The following LRRC27 variants were observed in gnomAD, a reference collection of about 807,000 sequenced individuals.
LRRC27 encodes leucine rich repeat containing 27.
In LRRC27, 57 loss-of-function variants were observed where a neutral mutation model predicts 55.0. That is an observed-to-expected ratio of 1.04 (90% CI 0.84 to 1.29). The LOEUF is 1.29. LRRC27 is among the 50% of genes most tolerant of loss of function. The pLI is 0.00. For synonymous variants in LRRC27, 278 were observed against 251.9 expected, an observed-to-expected ratio of 1.10 and a Z score of -0.98; for missense variants, 721 against 651.5, an observed-to-expected ratio of 1.11 and a Z score of -1.16.
At chr10:132,331,673 T>G, upstream of LRRC27, 1 of 1,612,750 alleles carries the variant, frequency 6.2e-7, no homozygotes. Flanking sequence ...TCTTTTCTGC[T>G]CGGCTGTCCT....
At chr10:132,363,077 T>C (rs1203282351) in intron 9 of LRRC27, among the ~76,000 whole-genome samples, 2 of 81,958 alleles carry the variant, frequency 2.4e-5, no homozygotes, top group Middle Eastern at 9.1e-3. Flanking sequence ...ACCAGCTCGG[T>C]GGTCCAGGGC....
chr10:132,333,399 G>A (rs1459332870), intron 1 of LRRC27, 78 bp from the exon 2 acceptor site: 2 of 563,044 alleles, frequency 3.6e-6, no homozygotes, highest in East Asian at 6.6e-5. Context: ...TTACATTACA[G>A]TAGATCTGCC....
intron 10 of LRRC27, among the ~76,000 whole-genome samples, chr10:132,368,567 G>A (rs906503707): frequency 7.9e-5 from 12 of 152,194 alleles, no homozygotes; most frequent in African/African-American, 1.7e-4. Context: ...TGGAGAAAGC[G>A]TAGTCTTCAA....
chr10:132,355,980 A>AC, intron 8 of LRRC27, 94 bp downstream of exon 8: 1 of 867,868 alleles, frequency 1.2e-6, no homozygotes, highest in East Asian at 2.9e-5. Context: ...ATGAGCCGAG[A>AC]CCTGGGGGTG....
chr10:132,331,644 G>T (rs772081131), upstream of LRRC27: 1 of 1,612,888 alleles, frequency 6.2e-7, no homozygotes, highest in South Asian at 1.1e-5. Flanking sequence ...CGCTCCAAAG[G>T]TGGTGCCTCA....
At chr10:132,364,090 A>G (rs1367741915) in intron 9 of LRRC27, among the ~76,000 whole-genome samples, 1 of 152,026 alleles carries the variant, frequency 6.6e-6, no homozygotes, top group Non-Finnish European at 1.5e-5. Context: ...TGGGCACAGT[A>G]AAAGCTGGAG....
chr10:132,331,394 ATCT>A (rs2066728213), upstream of LRRC27: 1 of 1,566,812 alleles, frequency 6.4e-7, no homozygotes, highest in Non-Finnish European at 8.7e-7. Context: ...GTGTCATTTC[ATCT>A]TCTTCCAAAT....
At position 132,348,296 on chromosome 10, in the gene LRRC27, C is replaced by G. The variant is rs762627704; in HGVS notation, c.866C>G (p.Pro289Arg). 3 of 1,614,018 alleles carry G rather than the reference C, an allele frequency of 1.9e-6. No individual in the cohort carries two copies. The highest frequency in any genetic ancestry group is 1.7e-6 in the Non-Finnish European group (2 of 1,180,040). The change falls in exon 6 of 11, where the codon CCA (proline) becomes CGA (arginine). Residue 289 changes from proline to arginine, a missense_variant. Physicochemically the swap from Pro to Arg is moderately radical, Grantham distance 103 (BLOSUM62 -2). Coordinates refer to ENST00000368614, the MANE Select transcript of LRRC27 (RefSeq NM_030626.3). The surrounding 1 kb of genome is among the most constrained non-coding windows in gnomAD (Gnocchi z 4.2). ...CAGCTCTTGACGAGGGAATTACCTC[C>G]AAATCTCAAGGCGGCCTTGAACATT... ...GDQLLTRELPPNLKAALNIEK... is the reference protein window; with the variant it reads ...GDQLLTRELPRNLKAALNIEK...
intron 8 of LRRC27, among the ~76,000 whole-genome samples, chr10:132,356,098 T>C (rs2068299756): frequency 6.6e-6 from 1 of 152,094 alleles, no homozygotes; most frequent in East Asian, 1.9e-4. Context: ...GAGTGCAGCA[T>C]CCAGAACCAT....
At chr10:132,355,046 C>G (rs1171578956) in intron 7 of LRRC27, among the ~76,000 whole-genome samples, 1 of 152,232 alleles carries the variant, frequency 6.6e-6, no homozygotes, top group Admixed American at 6.5e-5. Flanking sequence ...TGGCTGCAGA[C>G]TGCGGAGGCC....
At chr10:132,373,286 C>T (rs977789466) in intron 10 of LRRC27, among the ~76,000 whole-genome samples, 15 of 152,144 alleles carry the variant, frequency 9.9e-5, no homozygotes, top group South Asian at 2.1e-4. Flanking sequence ...GCGAAGCATC[C>T]GGCAGGTTCC....
chr10:132,349,034 G>C, intron 6 of LRRC27: 1 of 1,609,534 alleles, frequency 6.2e-7, no homozygotes, highest in Non-Finnish European at 8.5e-7. Context: ...GGCGTGGTAG[G>C]GCGTGCGCCT....
intron 9 of LRRC27, among the ~76,000 whole-genome samples, chr10:132,363,769 C>T (rs753814293): frequency 6.6e-5 from 10 of 152,130 alleles, no homozygotes; most frequent in East Asian, 1.9e-4. Flanking sequence ...CTCAGTTTAA[C>T]GTACCCTGGA....
At chr10:132,373,470 A>G (rs1208904954) in intron 10 of LRRC27, among the ~76,000 whole-genome samples, 1 of 151,988 alleles carries the variant, frequency 6.6e-6, no homozygotes, top group Non-Finnish European at 1.5e-5. Context: ...GGGCGGGGGG[A>G]GAGGATCACA....
rs372374330 is a variant in LRRC27 at position 132,351,695 on chromosome 10, C to T, written c.1015C>T (p.Arg339Ter). The change falls in exon 7 of 11, where the codon CGA (arginine) becomes TGA (stop). Residue 339 changes from arginine (R) to a stop codon, truncating the protein, a stop_gained. Coordinates refer to ENST00000368614, the MANE Select transcript of LRRC27 (RefSeq NM_030626.3). LOFTEE classifies it high-confidence loss of function. ...CCGAGCAAAAAGACTGGAAGAGAGC[C>T]GAGCGGCGGCGCTCCGAGAGCTCCA... The part of the protein sequence containing the change: ...AIRAKRLEES[R>*]AAALRELQEK... 5.0e-6 allele frequency: 8 copies of T among 1,613,744 alleles called. No homozygotes were observed. Among genetic ancestry groups the T allele is most frequent in the South Asian group, 1.1e-5 (1 of 91,086 alleles).
rs370884297 is a variant in LRRC27 at position 132,374,979 on chromosome 10, C to T, written c.1417-87C>T. The T allele has an allele frequency of 3.2e-5, 44 of 1,391,314 alleles. No individual in the cohort carries two copies. The African/African-American group carries it at 6.2e-4, about 20-fold the overall frequency. The allele number at this position is 1,391,314 out of a possible 1,614,324, so 86.2% of individuals were successfully genotyped here. On this transcript the variant is annotated intron_variant, in intron 10 of 10. Coordinates refer to ENST00000368614, the MANE Select transcript of LRRC27 (RefSeq NM_030626.3). The surrounding 1 kb of genome is among the most constrained non-coding windows in gnomAD (Gnocchi z 4.4). ...TCTGCTGACGCCCACATGGCCTGGG[C>T]CCCACGTGGAATCTGAGCCAGAGAC...
chr10:132,337,368 A>C, intron 2 of LRRC27, 197 bp from the exon 3 acceptor site: 1 of 1,368,248 alleles, frequency 7.3e-7, no homozygotes, highest in South Asian at 1.8e-5. Flanking sequence ...CGCCGGAAGG[A>C]GTCCTGGTTC....
At chr10:132,335,478 G>C (rs560719550) in intron 2 of LRRC27, among the ~76,000 whole-genome samples, 14 of 150,760 alleles carry the variant, frequency 9.3e-5, no homozygotes, top group East Asian at 1.9e-4. Flanking sequence ...AGTACTATGG[G>C]GGGGGGTCAC....
At chr10:132,373,342 G>T (rs941681343) in intron 10 of LRRC27, among the ~76,000 whole-genome samples, 2 of 152,160 alleles carry the variant, frequency 1.3e-5, no homozygotes, top group Non-Finnish European at 2.9e-5. Flanking sequence ...GGGAGAAGGT[G>T]CAGGAGGGCT....
Sources: gnomAD v4.1 joint callset for allele counts (sites outside exome capture counted in the v4.1 genomes callset) on GRCh38, gnomAD v4.1.1 for gene constraint, Gnocchi (gnomAD v3.1) non-coding constraint, MANE v1.5 for transcripts, NCBI Gene and HGNC (gene_info 2026-07-23, HGNC 2026-07-21) for gene names.